Variants in ADCY10 observed in about 807,000 individuals in gnomAD.
ADCY10 encodes adenylate cyclase type 10.
A neutral mutation model predicts 183.3 loss-of-function variants in ADCY10; 156 were observed. The ratio of observed to expected loss-of-function variants is 0.85; its 90% confidence interval spans 0.75 to 0.97. The LOEUF (loss-of-function observed/expected upper bound fraction) is 0.97. Ranked by LOEUF, ADCY10 falls within the 50% of genes least tolerant of loss-of-function variation. The probability of loss-of-function intolerance (pLI) is 0.00; values close to 1 mark genes in which losing one functional copy is unlikely to be tolerated. For synonymous variants in ADCY10, 645 were observed against 670.0 expected (o/e 0.96, Z 0.58); for missense variants, 1,745 against 1,934.3 (o/e 0.90, Z 1.84).
At chr1:167,835,345 G>A (rs1278734045) in intron 23 of ADCY10, among the ~76,000 whole-genome samples, 1 of 152,204 alleles carries the variant, frequency 6.6e-6, no homozygotes, top group Non-Finnish European at 1.5e-5. Flanking sequence ...AGGCCCTGAA[G>A]TATCTAAAGG....
At chr1:167,889,963 T>C (rs896562477) in intron 8 of ADCY10, among the ~76,000 whole-genome samples, 1 of 152,236 alleles carries the variant, frequency 6.6e-6, no homozygotes, top group Non-Finnish European at 1.5e-5. Flanking sequence ...TTCTAAATTC[T>C]TTCTCTGTGT....
At chr1:167,886,651 A>T (rs1027643558) in intron 8 of ADCY10, among the ~76,000 whole-genome samples, 1 of 152,332 alleles carries the variant, frequency 6.6e-6, no homozygotes, top group African/African-American at 2.4e-5. Context: ...GGACTTCATG[A>T]CTGAAACACC....
At chr1:167,837,120 A>AC in intron 22 of ADCY10, 129 bp downstream of exon 22, 1 of 779,252 alleles carries the variant, frequency 1.3e-6, no homozygotes, top group Non-Finnish European at 2.3e-6. Context: ...CACCATGCAT[A>AC]CCCCCCAAAG....
intron 1 of ADCY10, among the ~76,000 whole-genome samples, chr1:167,908,667 C>T (rs1176113759): frequency 2.0e-5 from 3 of 152,080 alleles, no homozygotes; most frequent in Admixed American, 6.5e-5. Flanking sequence ...TAAATATGTA[C>T]ACTTTTTGTC....
intron 1 of ADCY10, among the ~76,000 whole-genome samples, chr1:167,909,056 C>T (rs1293889641): frequency 3.9e-5 from 6 of 152,180 alleles, no homozygotes; most frequent in Non-Finnish European, 8.8e-5. Flanking sequence ...TCTCATGCCA[C>T]CTTCAAGTCA....
At chr1:167,873,350 G>GT (rs1330187734) in intron 13 of ADCY10, among the ~76,000 whole-genome samples, 3 of 152,102 alleles carry the variant, frequency 2.0e-5, no homozygotes, top group East Asian at 1.9e-4. Flanking sequence ...TGGCCCAAGT[G>GT]TTTTTTTGCA....
chr1:167,888,169 G>A (rs1219922339), intron 8 of ADCY10, among the ~76,000 whole-genome samples: 1 of 152,098 alleles, frequency 6.6e-6, no homozygotes. Context: ...TATGCTATTT[G>A]GGTTGCTATA....
intron 8 of ADCY10, among the ~76,000 whole-genome samples, chr1:167,889,414 G>C (rs1460967371): frequency 5.0e-5 from 7 of 140,420 alleles, no homozygotes; most frequent in African/African-American, 1.8e-4. Flanking sequence ...TTGCATCCCT[G>C]GGATAAATCC....
intron 1 of ADCY10, among the ~76,000 whole-genome samples, chr1:167,908,446 CA>C (rs1415243281): frequency 6.6e-6 from 1 of 152,042 alleles, no homozygotes; most frequent in Non-Finnish European, 1.5e-5. Context: ...TACAAAGTTT[CA>C]ATTAGACCCA....
chr1:167,909,571 C>T (rs535766511), intron 1 of ADCY10, among the ~76,000 whole-genome samples: 3 of 152,014 alleles, frequency 2.0e-5, no homozygotes, highest in African/African-American at 4.8e-5. Context: ...TTTTTCTTAG[C>T]TCATCAGCTA....
chr1:167,901,926 T>C, intron 4 of ADCY10, 90 bp downstream of exon 4: 1 of 1,605,402 alleles, frequency 6.2e-7, no homozygotes, highest in Non-Finnish European at 8.5e-7. Flanking sequence ...GCCACTCCCT[T>C]CTCTAGGATG....
intron 16 of ADCY10, among the ~76,000 whole-genome samples, chr1:167,858,322 A>G (rs975333631): frequency 6.6e-6 from 1 of 151,480 alleles, no homozygotes; most frequent in African/African-American, 2.4e-5. Context: ...ACATACTGAA[A>G]CCCCATTTCT....
chr1:167,827,171 T>TC (rs1663353918), intron 26 of ADCY10, among the ~76,000 whole-genome samples: 1 of 147,608 alleles, frequency 6.8e-6, no homozygotes, highest in African/African-American at 2.5e-5. Context: ...TTAATGTACT[T>TC]TTTTTTTTTT....
intron 14 of ADCY10, among the ~76,000 whole-genome samples, chr1:167,866,701 A>C (rs1389216033): frequency 6.6e-6 from 1 of 150,736 alleles, no homozygotes; most frequent in Non-Finnish European, 1.5e-5. Flanking sequence ...GTAACTTCTA[A>C]TCTTGTGGCC....
chr1:167,910,441 C>T lies in ADCY10; in HGVS notation c.-59+3535G>A, dbSNP rs561735126. The stretch of plus-strand genomic sequence containing the variant: ...TTGTAGTTGTCTTCAAATATTTGGG[C>T]TGAACTGTGAAAGTTGTGGGGTAAG... On this transcript the variant is annotated intron_variant, in intron 1 of 32. Coordinates refer to ENST00000367851, the MANE Select transcript of ADCY10 (RefSeq NM_018417.6). Among the ~76,000 whole-genome samples the T allele has an allele frequency of 2.6e-5, 4 of 152,226 alleles. No individual in the cohort carries two copies. In the East Asian group the frequency reaches 7.7e-4, roughly 29 times the overall value.
Position 167,893,852 on chromosome 1 carries a change from C to G in ADCY10, c.828+1G>C. 1 of 1,605,040 alleles carries G rather than the reference C, an allele frequency of 6.2e-7. No individual in the cohort carries two copies. On this transcript the variant is annotated splice_donor_variant, in intron 8 of 32. Transcript: ENST00000367851. LOFTEE classifies it high-confidence loss of function. ...GCCAGTAAATTCAATTTTGAAAATACCTGCTTCAAAATGCTTTCCATCACA... is the reference window on the plus strand; with the variant it reads ...GCCAGTAAATTCAATTTTGAAAATAGCTGCTTCAAAATGCTTTCCATCACA...
chr1:167,817,892 ATC>A (rs1167015046), intron 31 of ADCY10, among the ~76,000 whole-genome samples, 178 bp downstream of exon 31: 2 of 152,254 alleles, frequency 1.3e-5, no homozygotes, highest in Non-Finnish European at 2.9e-5. Context: ...AAAAGTACTT[ATC>A]TCTGAGTAGT....
chr1:167,882,514 G>A (rs954385020), intron 9 of ADCY10, among the ~76,000 whole-genome samples: 4 of 149,040 alleles, frequency 2.7e-5, no homozygotes, highest in African/African-American at 4.9e-5. Flanking sequence ...AGAACAGAGC[G>A]AAAACACCTG....
chr1:167,896,723 A>T, intron 6 of ADCY10, 32 bp from the exon 7 acceptor site: 1 of 1,427,800 alleles, frequency 7.0e-7, no homozygotes, highest in South Asian at 1.1e-5. Flanking sequence ...GTTTTCAGTT[A>T]TTCTGAGAAC....
Sources: allele counts gnomAD v4.1 joint callset (sites outside exome capture counted in the v4.1 genomes callset), GRCh38; gene constraint gnomAD v4.1.1; transcripts MANE v1.5; gene names NCBI Gene and HGNC (gene_info 2026-07-23, HGNC 2026-07-21).